GALNT9: variants seen among roughly 807,000 people sequenced by gnomAD.
The protein encoded by GALNT9 is polypeptide N-acetylgalactosaminyltransferase 9.
In GALNT9, 47 loss-of-function variants were observed where a neutral mutation model predicts 63.1. The observed-to-expected ratio is 0.75, with a 90% CI of 0.59 to 0.95. GALNT9 has a LOEUF of 0.95. GALNT9 is among the 40% of genes least tolerant of loss of function. The pLI is 0.00. For missense variants in GALNT9, 829 were observed against 874.8 expected, an observed-to-expected ratio of 0.95 and a Z score of 0.66; for synonymous variants, 396 against 365.7, an observed-to-expected ratio of 1.08 and a Z score of -0.94.
In GALNT9 at chr12:132,265,049, G is replaced by A. The variant is rs1879548215; in HGVS notation, c.420-2424C>T. Among the ~76,000 whole-genome samples the A allele has an allele frequency of 6.6e-6, 1 of 152,150 alleles. No individual in the cohort carries two copies. The highest frequency in any genetic ancestry group is 2.4e-5 in the African/African-American group (1 of 41,434). ...AAGCGTTTTTATTTAACTCCCTGTC[G>A]CCCACCTGCTGGCAAATGGAAGACA... On this transcript the variant is annotated intron_variant, in intron 2 of 10. Transcript: ENST00000328957. This position sits in a 1 kb window ranked among gnomAD's most constrained non-coding sequence, Gnocchi z 5.3.
intron 6 of GALNT9, among the ~76,000 whole-genome samples, chr12:132,209,844 C>G (rs997285343): frequency 6.6e-6 from 1 of 152,212 alleles, no homozygotes; most frequent in Admixed American, 6.5e-5. Context: ...AAAATAACCA[C>G]AAAAGTTAAT....
At chr12:132,262,980 C>T (rs1353970947) in intron 2 of GALNT9, among the ~76,000 whole-genome samples, 1 of 151,202 alleles carries the variant, frequency 6.6e-6, no homozygotes, top group Non-Finnish European at 1.5e-5. Context: ...GTGCCCACCC[C>T]GTGCTCACAG....
intron 8 of GALNT9, chr12:132,200,600 G>A (rs1447265490): frequency 1.9e-5 from 3 of 153,846 alleles, no homozygotes. Context: ...ACATACATCT[G>A]TGTAGGAAGA....
intron 6 of GALNT9, among the ~76,000 whole-genome samples, chr12:132,243,465 C>A (rs2136905574): frequency 0.28 from 40,234 of 142,552 alleles, 7,857 homozygotes; most frequent in African/African-American, 0.5. Context: ...CCCACCTGGC[C>A]GACCTGAAGG....
chr12:132,278,350 G>C (rs1880192850), intron 2 of GALNT9: 1 of 152,212 alleles, frequency 6.6e-6, no homozygotes, highest in South Asian at 2.1e-4. Flanking sequence ...GTTATTTGAG[G>C]ACTTAAAAAC....
intron 1 of GALNT9, among the ~76,000 whole-genome samples, chr12:132,301,919 G>A (rs782224659): frequency 1.3e-5 from 2 of 152,212 alleles, no homozygotes; most frequent in African/African-American, 4.8e-5. Context: ...AATTGCAGTC[G>A]TAGCAATGAC....
chr12:132,196,745 G>C lies in GALNT9; in HGVS notation c.*362C>G. ...GTGGAAGACACCAGGGTGCAGCCTGGTGCATGGTCCGGGGCTTGGCCTCCC... is the reference window on the plus strand; with the variant it reads ...GTGGAAGACACCAGGGTGCAGCCTGCTGCATGGTCCGGGGCTTGGCCTCCC... On this transcript the variant is annotated 3_prime_UTR_variant, in exon 11 of 11. Transcript: ENST00000328957. The C allele has an allele frequency of 9.6e-7, 1 of 1,036,324 alleles. No homozygotes were observed. The highest frequency in any genetic ancestry group is 1.2e-6 in the Non-Finnish European group (1 of 862,390). 64.2% of individuals were successfully genotyped at this position (1,036,324 alleles called of 1,614,324 possible).
At chr12:132,267,603 T>G (rs782320296) in intron 2 of GALNT9, among the ~76,000 whole-genome samples, 2 of 152,116 alleles carry the variant, frequency 1.3e-5, no homozygotes, top group Non-Finnish European at 2.9e-5. Context: ...TCACACCACC[T>G]CAAGTTAAGA....
chr12:132,206,502 CT>C (rs1182220236), intron 6 of GALNT9, among the ~76,000 whole-genome samples: 14 of 152,180 alleles, frequency 9.2e-5, no homozygotes, highest in African/African-American at 3.4e-4. Flanking sequence ...CAAAAATTAG[CT>C]GGGCATGGTG....
chr12:132,224,754 ACACCCCACACTG>A (rs1877581752), intron 6 of GALNT9, among the ~76,000 whole-genome samples: 2 of 115,152 alleles, frequency 1.7e-5, no homozygotes, highest in Admixed American at 9.7e-5. Context: ...CACCCCTCCC[ACACCCCACACTG>A]TACACACCCC....
chr12:132,243,483 A>C (rs905413086), intron 6 of GALNT9, among the ~76,000 whole-genome samples: 1 of 121,502 alleles, frequency 8.2e-6, no homozygotes, highest in Non-Finnish European at 1.8e-5. Flanking sequence ...AGGTCAGGGC[A>C]TCCACTCTTT....
intron 5 of GALNT9, among the ~76,000 whole-genome samples, chr12:132,251,086 C>G (rs1878899340): frequency 6.6e-6 from 1 of 152,216 alleles, no homozygotes; most frequent in Admixed American, 6.5e-5. Context: ...ACACTGAAAC[C>G]TCGCCGTGCA....
intron 5 of GALNT9, among the ~76,000 whole-genome samples, chr12:132,254,029 T>C (rs1879023265): frequency 6.6e-6 from 1 of 152,112 alleles, no homozygotes. Flanking sequence ...TTTTTTCTTT[T>C]TTTTTTTTTT....
At chr12:132,304,419 A>G (rs1310845092) in intron 1 of GALNT9, among the ~76,000 whole-genome samples, 6 of 81,510 alleles carry the variant, frequency 7.4e-5, no homozygotes, top group African/African-American at 1.1e-4. Flanking sequence ...ACACGCCCTC[A>G]CCCGGGCACA....
chr12:132,255,551 C>T (rs28562530), intron 5 of GALNT9, among the ~76,000 whole-genome samples: 144,650 of 152,338 alleles, frequency 0.95, 68,779 homozygotes, highest in Non-Finnish European at 0.97. Context: ...CATAAAACCT[C>T]GGTCTCCACA....
chr12:132,308,801 C>T (rs538195903), intron 1 of GALNT9, among the ~76,000 whole-genome samples: 2 of 152,324 alleles, frequency 1.3e-5, no homozygotes, highest in South Asian at 4.1e-4. Flanking sequence ...CCTTCTGAGC[C>T]ACGTGTGCAC....
At chr12:132,291,145 ACCACAGCACCCACGT>A (rs1880812797) in intron 1 of GALNT9, among the ~76,000 whole-genome samples, 2 of 16,438 alleles carry the variant, frequency 1.2e-4, no homozygotes, top group Admixed American at 6.9e-4. Flanking sequence ...AGCACCCACA[ACCACAGCACCCACGT>A]CCACAGCACC....
At chr12:132,284,152 C>A (rs28605651) in intron 2 of GALNT9, 38,112 of 151,190 alleles carry the variant, frequency 0.25, 4,823 homozygotes, top group South Asian at 0.3. Context: ...CACGCACATG[C>A]ACGCACACGC....
At chr12:132,278,861 G>C (rs1880217271) in intron 2 of GALNT9, 1 of 152,274 alleles carries the variant, frequency 6.6e-6, no homozygotes, top group South Asian at 2.1e-4. Flanking sequence ...GTCACTTCTA[G>C]AGTGCGATTC....
Sources: gnomAD v4.1 joint callset for allele counts (sites outside exome capture counted in the v4.1 genomes callset) on GRCh38, gnomAD v4.1.1 for gene constraint, Gnocchi (gnomAD v3.1) non-coding constraint, MANE v1.5 for transcripts, NCBI Gene and HGNC (gene_info 2026-07-23, HGNC 2026-07-21) for gene names.